WDR7: variants seen among roughly 807,000 people sequenced by gnomAD.
The protein encoded by WDR7 is WD repeat-containing protein 7.
Under a neutral mutation model 169.4 loss-of-function variants are expected in WDR7, and 46 were observed. The observed-to-expected ratio is 0.27, with a 90% CI of 0.21 to 0.35. WDR7 has a LOEUF of 0.35. Among genes scored for constraint, WDR7 ranks in the 10% least tolerant of loss-of-function variants. WDR7 has a pLI of 1.00. For synonymous variants in WDR7, 612 were observed against 666.8 expected (o/e 0.92, Z 1.27); for missense variants, 1,534 against 1,859.3 (o/e 0.83, Z 3.22).
At chr18:56,952,483 T>G (rs1199575888) in intron 25 of WDR7, among the ~76,000 whole-genome samples, 1 of 152,248 alleles carries the variant, frequency 6.6e-6, no homozygotes, top group Non-Finnish European at 1.5e-5. Context: ...ATATGAATGC[T>G]GCAGCTTCTT....
At chr18:56,896,311 G>A (rs761387872) in intron 21 of WDR7, among the ~76,000 whole-genome samples, 38 of 151,742 alleles carry the variant, frequency 2.5e-4, no homozygotes, top group Non-Finnish European at 4.0e-4. Flanking sequence ...ATTTGTCATC[G>A]TTTTTGTTAT....
intron 12 of WDR7, among the ~76,000 whole-genome samples, chr18:56,702,169 G>A (rs2025847885): frequency 6.6e-6 from 1 of 152,092 alleles, no homozygotes. Flanking sequence ...TTCCTCCAAC[G>A]CTCCATCATT....
At chr18:56,679,513 T>C in intron 3 of WDR7, 75 bp downstream of exon 3, 1 of 811,068 alleles carries the variant, frequency 1.2e-6, no homozygotes, top group South Asian at 2.5e-5. Context: ...AGTAGCGAGG[T>C]ATTTTTTTTT....
intron 26 of WDR7, among the ~76,000 whole-genome samples, chr18:56,988,647 C>T (rs992091207): frequency 1.4e-5 from 2 of 141,190 alleles, no homozygotes; most frequent in South Asian, 2.3e-4. Context: ...ATAGAGTCGT[C>T]GCAATTTTGC....
chr18:56,770,722 C>G (rs1477682660), intron 16 of WDR7, among the ~76,000 whole-genome samples: 1 of 152,098 alleles, frequency 6.6e-6, no homozygotes, highest in Non-Finnish European at 1.5e-5. Flanking sequence ...CCTTACCTTT[C>G]TGCTGCCTGC....
intron 20 of WDR7, among the ~76,000 whole-genome samples, chr18:56,845,177 G>T (rs573533343): frequency 6.6e-6 from 1 of 152,142 alleles, no homozygotes; most frequent in African/African-American, 2.4e-5. Flanking sequence ...CCCACTCTAT[G>T]CAGTTATGTT....
rs1266688265 is a variant in WDR7, at chr18:56,757,443, A to T, written c.2759+91A>T. The T allele has an allele frequency of 2.3e-6, 3 of 1,298,580 alleles. No homozygotes were observed. In the East Asian group the frequency reaches 7.0e-5, roughly 30 times the overall value. 80.4% of individuals were successfully genotyped at this position (1,298,580 alleles called of 1,614,324 possible). On this transcript the variant is annotated intron_variant, in intron 15 of 27. Transcript: ENST00000254442. Reference sequence around the variant, plus strand: ...TTGTTGATTACTCTTTTTTGGCTCTACACAATTTTATTATTTCAGTGTCAT... The same window carrying T: ...TTGTTGATTACTCTTTTTTGGCTCTTCACAATTTTATTATTTCAGTGTCAT...
intron 26 of WDR7, among the ~76,000 whole-genome samples, chr18:57,016,613 C>A (rs1194657115): frequency 6.6e-6 from 1 of 152,132 alleles, no homozygotes; most frequent in African/African-American, 2.4e-5. Context: ...TGACGCTGAC[C>A]AAATCATTTT....
At chr18:56,777,054 A>T (rs186079538) in intron 17 of WDR7, among the ~76,000 whole-genome samples, 174 bp downstream of exon 17, 141 of 152,236 alleles carry the variant, frequency 9.3e-4, no homozygotes, top group Admixed American at 1.8e-3. Context: ...TAAAAATGTA[A>T]TGTTACCTCT....
chr18:56,831,198 G>C (rs949647854), intron 20 of WDR7, among the ~76,000 whole-genome samples: 3 of 152,166 alleles, frequency 2.0e-5, no homozygotes, highest in Non-Finnish European at 4.4e-5. Context: ...CTGGGAGGGA[G>C]AGAGAGCAAG....
rs1305893975 is a variant in WDR7 at position 57,029,736 on chromosome 18, A to G, written c.*2529A>G. On this transcript the variant is annotated 3_prime_UTR_variant, in exon 28 of 28. Coordinates refer to ENST00000254442, the MANE Select transcript of WDR7 (RefSeq NM_015285.3). ...TTAATGATTCCACTTAATAGACTCT[A>G]TGTGTGCTGAATGTTCCTGTGTACA... The G allele has an allele frequency of 1.3e-5, 2 of 152,148 alleles. No individual in the cohort carries two copies. Among genetic ancestry groups the G allele is most frequent in the South Asian group, 2.1e-4 (1 of 4,828 alleles). 9.4% of individuals were successfully genotyped at this position (152,148 alleles called of 1,614,324 possible).
At chr18:56,678,643 C>T (rs185272223) in intron 2 of WDR7, among the ~76,000 whole-genome samples, 12 of 152,096 alleles carry the variant, frequency 7.9e-5, no homozygotes, top group East Asian at 5.8e-4. Context: ...ATTACAGGTG[C>T]GCGCCACCAC....
intron 20 of WDR7, among the ~76,000 whole-genome samples, chr18:56,843,028 G>A (rs2145333936): frequency 1.3e-5 from 2 of 152,252 alleles, no homozygotes; most frequent in Middle Eastern, 6.8e-3. Context: ...GCTATAAGCA[G>A]CTGGAAGCTT....
intron 20 of WDR7, among the ~76,000 whole-genome samples, chr18:56,833,895 A>G (rs1327079936): frequency 6.6e-6 from 1 of 152,152 alleles, no homozygotes; most frequent in Non-Finnish European, 1.5e-5. Context: ...TAAAATACCC[A>G]CATTTATTAT....
chr18:56,981,754 C>T (rs574636610), intron 26 of WDR7, among the ~76,000 whole-genome samples: 1 of 152,214 alleles, frequency 6.6e-6, no homozygotes, highest in South Asian at 2.1e-4. Flanking sequence ...AAGCTCTGTG[C>T]AGTAGTGAGG....
intron 20 of WDR7, among the ~76,000 whole-genome samples, chr18:56,822,452 A>G (rs1159097502): frequency 6.6e-6 from 1 of 152,210 alleles, no homozygotes; most frequent in Non-Finnish European, 1.5e-5. Flanking sequence ...AGATGTTTTT[A>G]CATTTGTTCT....
At chr18:56,943,483 A>C (rs1400861804) in intron 25 of WDR7, among the ~76,000 whole-genome samples, 2 of 152,098 alleles carry the variant, frequency 1.3e-5, no homozygotes, top group African/African-American at 4.8e-5. Flanking sequence ...AAACTTCATT[A>C]GTGTTCTTCA....
Position 56,827,281 on chromosome 18 carries a change from G to A in WDR7, c.3304+11137G>A, listed in dbSNP as rs560042010. ...CTCAATTTTCTCACCTGAAATATGA[G>A]GATAATAAGGTTATTAGGAGACAGA... On this transcript the variant is annotated intron_variant, in intron 20 of 27. Transcript: ENST00000254442. Among the ~76,000 whole-genome samples the A allele has an allele frequency of 3.3e-5, 5 of 152,238 alleles. No homozygotes were observed. In the South Asian group the frequency reaches 1.0e-3, roughly 32 times the overall value.
At chr18:56,980,039 C>T (rs912653161) in intron 26 of WDR7, among the ~76,000 whole-genome samples, 14 of 152,200 alleles carry the variant, frequency 9.2e-5, no homozygotes, top group Admixed American at 5.9e-4. Context: ...TCTGAGCTCT[C>T]CTCTAAGTGT....
Sources: allele counts gnomAD v4.1 joint callset (sites outside exome capture counted in the v4.1 genomes callset), GRCh38; gene constraint gnomAD v4.1.1; transcripts MANE v1.5; gene names NCBI Gene and HGNC (gene_info 2026-07-23, HGNC 2026-07-21).